SMG6: variants seen among roughly 807,000 people sequenced by gnomAD.
The protein encoded by SMG6 is telomerase-binding protein EST1A.
A neutral mutation model predicts 142.2 loss-of-function variants in SMG6; 66 were observed. The observed-to-expected ratio is 0.46, with a 90% CI of 0.38 to 0.57. SMG6 has a LOEUF of 0.57. Ranked by LOEUF, SMG6 falls within the 20% of genes least tolerant of loss-of-function variation. The pLI is 0.00. For missense variants in SMG6, 1,793 were observed against 1,832.0 expected (o/e 0.98, Z 0.39); for synonymous variants, 779 against 702.4 (o/e 1.11, Z -1.72).
intron 13 of SMG6, among the ~76,000 whole-genome samples, chr17:2,161,618 CTCTTA>C (rs2071182799): frequency 6.6e-6 from 1 of 151,882 alleles, no homozygotes; most frequent in Admixed American, 6.6e-5. Context: ...ACTGCCACTA[CTCTTA>C]TATTTTTGCC....
At chr17:2,168,262 C>T (rs1244041351) in intron 13 of SMG6, among the ~76,000 whole-genome samples, 2 of 152,044 alleles carry the variant, frequency 1.3e-5, no homozygotes, top group Non-Finnish European at 2.9e-5. Flanking sequence ...GGCACAATTT[C>T]AGCTCACTGC....
chr17:2,065,220 G>C, intron 17 of SMG6, 66 bp from the exon 18 acceptor site: 108 of 1,279,528 alleles, frequency 8.4e-5, no homozygotes, highest in Non-Finnish European at 1.0e-4. Context: ...GGAGGAGGAG[G>C]GATCCTCTGC....
intron 4 of SMG6, among the ~76,000 whole-genome samples, chr17:2,293,844 T>A (rs1488799659): frequency 2.6e-5 from 4 of 152,230 alleles, no homozygotes; most frequent in Admixed American, 2.0e-4. Context: ...GGCATTACAT[T>A]ACCTTCACCT....
At chr17:2,259,221 C>G (rs1299588000) in intron 8 of SMG6, among the ~76,000 whole-genome samples, 2 of 151,788 alleles carry the variant, frequency 1.3e-5, no homozygotes, top group African/African-American at 4.8e-5. Context: ...CCAGGCCAAA[C>G]CAACAGAGAA....
chr17:2,278,699 TGACA>T (rs1038545607), intron 8 of SMG6, among the ~76,000 whole-genome samples: 4 of 152,174 alleles, frequency 2.6e-5, no homozygotes, highest in African/African-American at 7.2e-5. Flanking sequence ...ATGTTTGACG[TGACA>T]GACATTCTAA....
At chr17:2,073,244 C>T (rs374720130) in intron 15 of SMG6, among the ~76,000 whole-genome samples, 7 of 151,814 alleles carry the variant, frequency 4.6e-5, no homozygotes, top group South Asian at 4.2e-4. Context: ...CCAACACGCC[C>T]GGCTAATTTT....
At chr17:2,193,938 C>T (rs921117076) in intron 10 of SMG6, among the ~76,000 whole-genome samples, 1 of 152,208 alleles carries the variant, frequency 6.6e-6, no homozygotes, top group African/African-American at 2.4e-5. Flanking sequence ...TCAAGCGATT[C>T]TTCCGCCTCA....
chr17:2,105,711 T>C (rs2069138467), intron 13 of SMG6, among the ~76,000 whole-genome samples: 1 of 152,178 alleles, frequency 6.6e-6, no homozygotes, highest in Non-Finnish European at 1.5e-5. Context: ...AAATTTAAAA[T>C]TTCTCAGGAT....
chr17:2,119,023 C>T (rs1480150022), intron 13 of SMG6, among the ~76,000 whole-genome samples: 1 of 150,626 alleles, frequency 6.6e-6, no homozygotes, highest in East Asian at 2.0e-4. Context: ...CCTCAGTCTG[C>T]TGAGTAGCTG....
At chr17:2,260,218 T>G (rs917177757) in intron 8 of SMG6, among the ~76,000 whole-genome samples, 1 of 152,240 alleles carries the variant, frequency 6.6e-6, no homozygotes, top group African/African-American at 2.4e-5. Context: ...GGCATTCGCC[T>G]TGACACTAAA....
intron 6 of SMG6, among the ~76,000 whole-genome samples, chr17:2,290,441 C>A (rs555643412): frequency 4.8e-4 from 73 of 152,336 alleles, no homozygotes; most frequent in African/African-American, 1.5e-3. Flanking sequence ...GAGCCTTACA[C>A]TTTTCACAAA....
At chr17:2,233,670 C>G (rs1351928324) in intron 10 of SMG6, 1 of 151,038 alleles carries the variant, frequency 6.6e-6, no homozygotes, top group Non-Finnish European at 1.5e-5. Flanking sequence ...TTCTCCACCC[C>G]CGGCACAGAT....
At chr17:2,133,587 G>C (rs921011020) in intron 13 of SMG6, among the ~76,000 whole-genome samples, 1 of 152,216 alleles carries the variant, frequency 6.6e-6, no homozygotes, top group South Asian at 2.1e-4. Context: ...CCCAGGGATG[G>C]GATACGGTGG....
intron 13 of SMG6, among the ~76,000 whole-genome samples, chr17:2,093,413 AT>A (rs2068776220): frequency 6.6e-6 from 1 of 152,104 alleles, no homozygotes; most frequent in Non-Finnish European, 1.5e-5. Flanking sequence ...ACAGAGTGAT[AT>A]CGTGACTCAA....
intron 15 of SMG6, among the ~76,000 whole-genome samples, chr17:2,070,685 G>A (rs2068075859): frequency 6.6e-6 from 1 of 152,226 alleles, no homozygotes; most frequent in Non-Finnish European, 1.5e-5. Flanking sequence ...AGCTGGTAAA[G>A]GCACAGGCTA....
intron 15 of SMG6, among the ~76,000 whole-genome samples, chr17:2,081,225 G>T (rs944713722): frequency 6.6e-6 from 1 of 152,194 alleles, no homozygotes; most frequent in African/African-American, 2.4e-5. Flanking sequence ...CAGCACAAGG[G>T]AACAGACCTA....
chr17:2,170,712 G>T (rs2151647503), intron 13 of SMG6, among the ~76,000 whole-genome samples: 1 of 152,334 alleles, frequency 6.6e-6, no homozygotes, highest in East Asian at 1.9e-4. Context: ...TAGCCATTAA[G>T]TGCATCCAAA....
chr17:2,247,802 A>T (rs1297466352), intron 8 of SMG6, among the ~76,000 whole-genome samples: 1 of 151,632 alleles, frequency 6.6e-6, no homozygotes. Flanking sequence ...GAAAAAAGAA[A>T]AAAGATACAG....
chr17:2,135,998 GT>G (rs1567626509), intron 13 of SMG6, among the ~76,000 whole-genome samples: 1 of 18,498 alleles, frequency 5.4e-5, no homozygotes, highest in East Asian at 6.4e-4. Context: ...ATATATTTAT[GT>G]GTGTGTGTGT....
Sources: allele counts gnomAD v4.1 joint callset (sites outside exome capture counted in the v4.1 genomes callset), GRCh38; gene constraint gnomAD v4.1.1; transcripts MANE v1.5; gene names NCBI Gene and HGNC (gene_info 2026-07-23, HGNC 2026-07-21).